The following AOPEP variants were observed in gnomAD, a reference collection of about 807,000 sequenced individuals.
AOPEP encodes the protein aminopeptidase O.
A neutral mutation model predicts 98.1 loss-of-function variants in AOPEP; 77 were observed. That is an observed-to-expected ratio of 0.78 (90% CI 0.65 to 0.95). The LOEUF (loss-of-function observed/expected upper bound fraction) is 0.95, where lower values mean the gene tolerates loss of function less well. Ranked by LOEUF, AOPEP falls within the 40% of genes least tolerant of loss-of-function variation. AOPEP has a pLI of 0.00. For missense variants in AOPEP, 1,024 were observed against 1,024.7 expected (o/e 1.00, Z 0.01); for synonymous variants, 346 against 365.3 (o/e 0.95, Z 0.60).
chr9:94,769,736 G>T (rs1840431673), intron 2 of AOPEP, among the ~76,000 whole-genome samples: 1 of 152,212 alleles, frequency 6.6e-6, no homozygotes, highest in Admixed American at 6.5e-5. Context: ...GCACACTGGG[G>T]AGGGTGGAGG....
the AOPEP span, among the ~76,000 whole-genome samples, chr9:95,106,770 A>C: frequency 4.6e-5 from 7 of 152,198 alleles, no homozygotes; most frequent in Non-Finnish European, 1.0e-4. Flanking sequence ...GATGGAAAGA[A>C]ATGTACGTAG....
the AOPEP span, among the ~76,000 whole-genome samples, chr9:95,120,428 T>G: frequency 6.6e-6 from 1 of 151,934 alleles, no homozygotes; most frequent in East Asian, 1.9e-4. Context: ...TTTTTTTTTT[T>G]TTTTAAGACA....
chr9:94,790,872 C>T (rs1845560314), intron 3 of AOPEP, among the ~76,000 whole-genome samples: 1 of 151,722 alleles, frequency 6.6e-6, no homozygotes, highest in Non-Finnish European at 1.5e-5. Context: ...AATTGGACAA[C>T]CACAGGCCAA....
At chr9:94,935,851 C>T (rs141168336) in intron 7 of AOPEP, among the ~76,000 whole-genome samples, 13 of 152,312 alleles carry the variant, frequency 8.5e-5, no homozygotes, top group African/African-American at 3.1e-4. Flanking sequence ...ACAGTCATCT[C>T]TTACTGATCA....
chr9:94,917,145 C>G (rs1214690886), intron 5 of AOPEP, among the ~76,000 whole-genome samples: 1 of 152,126 alleles, frequency 6.6e-6, no homozygotes, highest in Non-Finnish European at 1.5e-5. Flanking sequence ...CTGCCCTGTT[C>G]CGTATGCAGG....
intron 5 of AOPEP, among the ~76,000 whole-genome samples, chr9:94,891,830 C>A (rs1230348994): frequency 6.6e-6 from 1 of 152,142 alleles, no homozygotes; most frequent in Non-Finnish European, 1.5e-5. Flanking sequence ...AATGTCCCAA[C>A]CTTCTTCTGT....
intron 5 of AOPEP, among the ~76,000 whole-genome samples, chr9:94,815,747 ATC>A (rs1305815255): frequency 6.6e-6 from 1 of 152,078 alleles, no homozygotes; most frequent in African/African-American, 2.4e-5. Flanking sequence ...TGGGTGAAGC[ATC>A]TCTCTGGATG....
chr9:94,981,528 C>T (rs1035338220), intron 11 of AOPEP, among the ~76,000 whole-genome samples: 2 of 152,096 alleles, frequency 1.3e-5, no homozygotes, highest in East Asian at 3.9e-4. Context: ...GGTGTCTTTG[C>T]GTCTCTTCTA....
chr9:94,891,150 ATAGCT>A (rs796726947), intron 5 of AOPEP, among the ~76,000 whole-genome samples: 17 of 152,354 alleles, frequency 1.1e-4, no homozygotes, highest in African/African-American at 3.4e-4. Flanking sequence ...TAGGATAGCT[ATAGCT>A]TCTTGGCAGA....
At chr9:94,726,976 T>A (rs1225997783) in intron 1 of AOPEP, among the ~76,000 whole-genome samples, 1 of 152,176 alleles carries the variant, frequency 6.6e-6, no homozygotes, top group Non-Finnish European at 1.5e-5. Flanking sequence ...CCACCTCAGC[T>A]GTAGAGGTGG....
chr9:94,999,491 C>A (rs2061429487), intron 11 of AOPEP, among the ~76,000 whole-genome samples: 1 of 152,192 alleles, frequency 6.6e-6, no homozygotes, highest in African/African-American at 2.4e-5. Flanking sequence ...GAAGATTGTC[C>A]TATGGCTCCT....
chr9:94,731,210 G>A (rs1830437484), intron 1 of AOPEP, among the ~76,000 whole-genome samples: 1 of 151,746 alleles, frequency 6.6e-6, no homozygotes, highest in South Asian at 2.1e-4. Context: ...GTTTTAACAA[G>A]TCAAGAGACT....
intron 14 of AOPEP, among the ~76,000 whole-genome samples, chr9:95,063,871 G>A (rs138267199): frequency 1.3e-5 from 2 of 152,108 alleles, no homozygotes; most frequent in Admixed American, 6.5e-5. Flanking sequence ...GCACGTGAGC[G>A]GCTCTTCCTG....
chr9:95,123,546 G>A, the AOPEP span: 4 of 532,586 alleles, frequency 7.5e-6, no homozygotes, highest in East Asian at 2.0e-4. Flanking sequence ...AGGAACAACG[G>A]TCGTACCAAA....
chr9:95,100,723 C>A, the AOPEP span: 1 of 227,196 alleles, frequency 4.4e-6, no homozygotes, highest in African/African-American at 2.2e-5. Context: ...TCCCACCTCC[C>A]GGGTTCAAGA....
At chr9:94,873,887 C>CA (rs1241010087) in intron 5 of AOPEP, among the ~76,000 whole-genome samples, 8 of 152,070 alleles carry the variant, frequency 5.3e-5, no homozygotes, top group Non-Finnish European at 4.4e-5. Flanking sequence ...ATAGCCACTA[C>CA]ACACAGTAAA....
intron 5 of AOPEP, among the ~76,000 whole-genome samples, chr9:94,828,253 G>T (rs10993362): frequency 0.056 from 8,575 of 152,132 alleles, 358 homozygotes; most frequent in South Asian, 0.11. Flanking sequence ...TTAGTTTCTT[G>T]TGCTTTTGGT....
intron 5 of AOPEP, among the ~76,000 whole-genome samples, chr9:94,874,555 T>C (rs1425956645): frequency 6.6e-6 from 1 of 152,224 alleles, no homozygotes; most frequent in Non-Finnish European, 1.5e-5. Context: ...CACTGTGTCC[T>C]AAGGTATGCG....
chr9:95,044,162 G>C (rs2065615222), intron 13 of AOPEP, among the ~76,000 whole-genome samples: 1 of 152,170 alleles, frequency 6.6e-6, no homozygotes, highest in South Asian at 2.1e-4. Context: ...CCCTGAAACA[G>C]ATAAGACATT....
Sources: gnomAD v4.1 joint callset for allele counts (sites outside exome capture counted in the v4.1 genomes callset) on GRCh38, gnomAD v4.1.1 for gene constraint, MANE v1.5 for transcripts, NCBI Gene and HGNC (gene_info 2026-07-23, HGNC 2026-07-21) for gene names.